Variants in SLCO1B1 observed in about 807,000 individuals in gnomAD.
SLCO1B1 encodes the protein solute carrier organic anion transporter family member 1B1.
Under a neutral mutation model 70.1 loss-of-function variants are expected in SLCO1B1, and 81 were observed. The ratio of observed to expected loss-of-function variants is 1.16; its 90% CI spans 0.97 to 1.39. The LOEUF is 1.39. Ranked by LOEUF, SLCO1B1 falls within the 40% of genes most tolerant of loss-of-function variation. The probability of loss-of-function intolerance (pLI) is 0.00; values close to 1 mark genes in which losing one functional copy is unlikely to be tolerated. For synonymous variants in SLCO1B1, 283 were observed against 271.5 expected (o/e 1.04, Z -0.42); for missense variants, 895 against 799.6 (o/e 1.12, Z -1.44).
In SLCO1B1 at chr12:21,174,728, A is replaced by AG; in HGVS notation, c.359+19_359+20insG. Reference sequence around the variant, plus strand: ...TGGGATAGTAAGTGTTAAAAAAAAAAAAAACCTCTGTGCCACTATCAGTAC... The same window carrying AG: ...TGGGATAGTAAGTGTTAAAAAAAAAAGAAAACCTCTGTGCCACTATCAGTAC... On this transcript the variant is annotated intron_variant, in intron 4 of 14. Transcript: ENST00000256958. 1.2e-6 allele frequency: 2 copies of AG among 1,608,264 alleles called. No individual in the cohort carries two copies. The highest frequency in any genetic ancestry group is 1.7e-5 in the Admixed American group (1 of 59,376).
intron 2 of SLCO1B1, among the ~76,000 whole-genome samples, chr12:21,150,504 C>T (rs113398325): frequency 7.2e-5 from 11 of 152,060 alleles, no homozygotes; most frequent in South Asian, 4.1e-4. Flanking sequence ...AGGAACAGGC[C>T]GCAATCTCTG....
chr12:21,174,120 T>G (rs1320503877), intron 3 of SLCO1B1, among the ~76,000 whole-genome samples: 1 of 152,120 alleles, frequency 6.6e-6, no homozygotes, highest in East Asian at 1.9e-4. Context: ...CCATCTATTT[T>G]TATCGTTAGT....
intron 1 of SLCO1B1, among the ~76,000 whole-genome samples, chr12:21,136,222 C>T (rs1386273495): frequency 6.6e-6 from 1 of 152,184 alleles, no homozygotes; most frequent in Non-Finnish European, 1.5e-5. Flanking sequence ...ATGGGCTTCC[C>T]TTTGTGGGTA....
chr12:21,137,576 T>C (rs1326151375), intron 1 of SLCO1B1, among the ~76,000 whole-genome samples: 5 of 152,174 alleles, frequency 3.3e-5, no homozygotes, highest in African/African-American at 7.2e-5. Context: ...ACCTTGCAGT[T>C]TGATCTTGGA....
chr12:21,214,166 T>C (rs1258090099), intron 11 of SLCO1B1, among the ~76,000 whole-genome samples: 1 of 152,208 alleles, frequency 6.6e-6, no homozygotes, highest in East Asian at 1.9e-4. Flanking sequence ...AGTTTTTCTG[T>C]TCTGTTTTTT....
chr12:21,196,930 T>C lies in SLCO1B1; in HGVS notation c.728-16T>C, dbSNP rs745856839. 1.9e-6 allele frequency: 3 copies of C among 1,601,082 alleles called. No homozygotes were observed. The highest frequency in any genetic ancestry group is 3.3e-5 in the Admixed American group (2 of 59,740). ...CAAAATGATTTTTGACTGGCTTCTA[T>C]AATTATTTATTCTAGGCACTATCAG... On this transcript the variant is annotated splice_polypyrimidine_tract_variant and intron_variant, in intron 7 of 14. Transcript: ENST00000256958.
chr12:21,148,560 A>G (rs1440470359), intron 2 of SLCO1B1, among the ~76,000 whole-genome samples: 1 of 151,950 alleles, frequency 6.6e-6, no homozygotes, highest in Non-Finnish European at 1.5e-5. Context: ...GTTCTGTTCC[A>G]TTGGTCTATA....
At chr12:21,149,573 T>C (rs1244860013) in intron 2 of SLCO1B1, among the ~76,000 whole-genome samples, 1 of 151,834 alleles carries the variant, frequency 6.6e-6, no homozygotes, top group Non-Finnish European at 1.5e-5. Context: ...CAGGGTAGGG[T>C]GTCACCTAAC....
chr12:21,192,834 G>A (rs190235495), intron 7 of SLCO1B1, among the ~76,000 whole-genome samples: 5 of 151,994 alleles, frequency 3.3e-5, no homozygotes. Context: ...CCCTACAAAT[G>A]TAGATATTTT....
chr12:21,159,028 A>T (rs141888765), intron 2 of SLCO1B1, among the ~76,000 whole-genome samples: 3 of 152,284 alleles, frequency 2.0e-5, no homozygotes, highest in Admixed American at 2.0e-4. Context: ...GAATTGAAGC[A>T]GTACTTGCCA....
At chr12:21,199,695 T>C (rs1209249299) in intron 8 of SLCO1B1, among the ~76,000 whole-genome samples, 1 of 152,142 alleles carries the variant, frequency 6.6e-6, no homozygotes, top group East Asian at 1.9e-4. Context: ...CATTTAATAG[T>C]TATATTTTTA....
chr12:21,181,279 C>T (rs557371940), intron 7 of SLCO1B1, among the ~76,000 whole-genome samples: 24 of 152,224 alleles, frequency 1.6e-4, no homozygotes, highest in African/African-American at 5.3e-4. Flanking sequence ...CTTTTTCTCA[C>T]GTCCTATCTA....
chr12:21,213,884 C>G, intron 11 of SLCO1B1, among the ~76,000 whole-genome samples: 2 of 150,464 alleles, frequency 1.3e-5, no homozygotes, highest in Admixed American at 1.3e-4. Context: ...GCATTCTCCA[C>G]GTAGTTCTCG....
intron 14 of SLCO1B1, among the ~76,000 whole-genome samples, chr12:21,238,573 G>T (rs1474208127): frequency 1.3e-5 from 2 of 151,738 alleles, no homozygotes. Flanking sequence ...TATTAATATG[G>T]TGTAAGGTGC....
At chr12:21,225,073 A>G (rs1464664186) in intron 14 of SLCO1B1, among the ~76,000 whole-genome samples, 2 of 152,128 alleles carry the variant, frequency 1.3e-5, no homozygotes, top group African/African-American at 4.8e-5. Context: ...TGATTCAAGG[A>G]TAATAACCAA....
chr12:21,229,408 T>C (rs10841763), intron 14 of SLCO1B1, among the ~76,000 whole-genome samples: 49,226 of 152,006 alleles, frequency 0.32, 8,458 homozygotes, highest in East Asian at 0.45. Context: ...CTTCCTCCTC[T>C]AAAACCCCTG....
chr12:21,218,476 T>G (rs1326673337), intron 12 of SLCO1B1, among the ~76,000 whole-genome samples: 2 of 151,868 alleles, frequency 1.3e-5, no homozygotes, highest in African/African-American at 4.8e-5. Context: ...AAAAAAAGCA[T>G]TTTTAACATT....
chr12:21,176,632 C>T lies in SLCO1B1; in HGVS notation c.360-144C>T, dbSNP rs560128524. On this transcript the variant is annotated intron_variant, in intron 4 of 14. Coordinates refer to ENST00000256958, the MANE Select transcript of SLCO1B1 (RefSeq NM_006446.5). The stretch of plus-strand genomic sequence containing the variant: ...TTTACCCATCACATCTCTTAAAACA[C>T]ATGCTGGGAAATTGACAGAAAGTAC... 4.9e-5 allele frequency: 32 copies of T among 647,150 alleles called. No individual in the cohort carries two copies. The African/African-American group carries it at 5.4e-4, about 11-fold the overall frequency. 40.1% of individuals were successfully genotyped at this position (647,150 alleles called of 1,614,324 possible).
chr12:21,159,516 AG>A (rs772458028), intron 2 of SLCO1B1, among the ~76,000 whole-genome samples: 21 of 152,166 alleles, frequency 1.4e-4, no homozygotes, highest in Non-Finnish European at 2.9e-5. Flanking sequence ...ATTTGTGAAA[AG>A]GGGAAACTGA....
Sources: allele counts gnomAD v4.1 joint callset (sites outside exome capture counted in the v4.1 genomes callset), GRCh38; gene constraint gnomAD v4.1.1; transcripts MANE v1.5; gene names NCBI Gene and HGNC (gene_info 2026-07-23, HGNC 2026-07-21).